Variants in FUT8 observed in about 807,000 individuals in gnomAD.
FUT8 encodes fucosyltransferase 8.
A neutral mutation model predicts 71.3 loss-of-function variants in FUT8; 29 were observed. That is an observed-to-expected ratio of 0.41 (90% CI 0.30 to 0.55). FUT8 has a LOEUF of 0.55. Ranked by LOEUF, FUT8 falls within the 20% of genes least tolerant of loss-of-function variation. The probability of loss-of-function intolerance (pLI) is 0.34; values close to 1 mark genes in which losing one functional copy is unlikely to be tolerated. For missense variants in FUT8, 544 were observed against 702.1 expected, an observed-to-expected ratio of 0.77 and a Z score of 2.55; for synonymous variants, 254 against 239.3, an observed-to-expected ratio of 1.06 and a Z score of -0.57.
intron 6 of FUT8, among the ~76,000 whole-genome samples, chr14:65,655,781 C>T (rs558030110): frequency 6.6e-6 from 1 of 152,024 alleles, no homozygotes; most frequent in Non-Finnish European, 1.5e-5. Context: ...GGGATTTATC[C>T]CTGGGACACA....
rs146309403 is a variant in FUT8 at position 65,440,545 on chromosome 14, G to C, written c.-325-15076G>C. Among the ~76,000 whole-genome samples the C allele has an allele frequency of 4.6e-5, 7 of 152,024 alleles. No homozygotes were observed. In the East Asian group the frequency reaches 9.7e-4, roughly 21 times the overall value. ...AAAGCTTGGATATATGAGATAATAG[G>C]TATGTTAATTAGCTTGATTTAATCA... On this transcript the variant is annotated intron_variant, in intron 1 of 10. Coordinates refer to ENST00000673929, the MANE Select transcript of FUT8 (RefSeq NM_001371533.1).
intron 6 of FUT8, among the ~76,000 whole-genome samples, chr14:65,661,046 A>G (rs181346759): frequency 3.3e-5 from 5 of 152,290 alleles, no homozygotes; most frequent in Non-Finnish European, 7.4e-5. Context: ...GCACAGTAAA[A>G]TTTAACTCAC....
At chr14:65,382,389 T>G in the FUT8 span, among the ~76,000 whole-genome samples, 1 of 152,294 alleles carries the variant, frequency 6.6e-6, no homozygotes, top group East Asian at 1.9e-4. Context: ...CAGGCTGGAG[T>G]GCAGTGGCGT....
At position 65,485,442 on chromosome 14, in the gene FUT8, AT is replaced by A. The variant is rs2066394969; in HGVS notation, c.-228+29725del. 2.0e-5 allele frequency among the ~76,000 whole-genome samples: 3 copies of A among 152,172 alleles called. No individual in the cohort carries two copies. The South Asian group carries it at 6.2e-4, about 32-fold the overall frequency. ...TTTAAGAGGCCTGGAGCAATGCTCA[AT>A]CCAGGGCTAGTTATTCCTCACTACT... On this transcript the variant is annotated intron_variant, in intron 2 of 10. Coordinates refer to ENST00000673929, the MANE Select transcript of FUT8 (RefSeq NM_001371533.1).
chr14:65,563,571 A>G (rs1308518095), intron 3 of FUT8, among the ~76,000 whole-genome samples: 1 of 152,012 alleles, frequency 6.6e-6, no homozygotes, highest in Non-Finnish European at 1.5e-5. Flanking sequence ...AAGAATAGCT[A>G]CTATTCTAGT....
the FUT8 span, among the ~76,000 whole-genome samples, chr14:65,358,566 A>G: frequency 1.3e-5 from 2 of 151,898 alleles, no homozygotes; most frequent in African/African-American, 2.4e-5. Flanking sequence ...CGATCCTCCT[A>G]CTTCGGTCTA....
chr14:65,490,124 A>T (rs1303589715), intron 2 of FUT8, among the ~76,000 whole-genome samples: 4 of 152,118 alleles, frequency 2.6e-5, no homozygotes, highest in Non-Finnish European at 5.9e-5. Flanking sequence ...CTGTAATTAC[A>T]GCTGCAGATT....
At chr14:65,405,654 G>C (rs2065086866), upstream of FUT8, among the ~76,000 whole-genome samples, 1 of 152,218 alleles carries the variant, frequency 6.6e-6, no homozygotes, top group South Asian at 2.1e-4. Flanking sequence ...CCTAGAAACA[G>C]AGGAGCCTAA....
chr14:65,689,350 G>A (rs1349061303), intron 7 of FUT8, among the ~76,000 whole-genome samples: 1 of 152,134 alleles, frequency 6.6e-6, no homozygotes, highest in Admixed American at 6.5e-5. Context: ...TAATTGGGTT[G>A]TTAGCTTTCT....
chr14:65,650,729 A>AC (rs1566875582), intron 6 of FUT8, among the ~76,000 whole-genome samples: 6 of 135,856 alleles, frequency 4.4e-5, no homozygotes, highest in African/African-American at 1.4e-4. Context: ...AAAAAAAAAA[A>AC]CAAAAAAAAC....
rs1174559229 is a variant in FUT8 at position 65,729,571 on chromosome 14, A to G, written c.1260-3660A>G. Among the ~76,000 whole-genome samples, 3 of 150,012 alleles carry G rather than the reference A, an allele frequency of 2.0e-5. No homozygotes were observed. The East Asian group carries it at 6.0e-4, about 30-fold the overall frequency. On this transcript the variant is annotated intron_variant, in intron 9 of 10. Transcript: ENST00000673929. ...AAATACAGGGTCCAGGCTGGAGTGC[A>G]GTAGCACAATCTCAGCTCACGGTAG...
intron 3 of FUT8, among the ~76,000 whole-genome samples, chr14:65,565,675 A>G (rs964661787): frequency 4.0e-5 from 6 of 151,856 alleles, no homozygotes; most frequent in African/African-American, 1.2e-4. Flanking sequence ...AGCATTTGCT[A>G]TTGTCAGTTA....
chr14:65,734,743 T>C (rs538105531), intron 10 of FUT8, among the ~76,000 whole-genome samples: 1 of 152,308 alleles, frequency 6.6e-6, no homozygotes, highest in Non-Finnish European at 1.5e-5. Flanking sequence ...TTGATGCTTA[T>C]TGTTACAATG....
chr14:65,561,536 TC>T lies in FUT8; in HGVS notation c.-26del, dbSNP rs760440675. 7.5e-6 allele frequency: 12 copies of T among 1,608,832 alleles called. No individual in the cohort carries two copies. Among genetic ancestry groups the T allele is most frequent in the Non-Finnish European group, 9.4e-6 (11 of 1,176,028 alleles). On this transcript the variant is annotated 5_prime_UTR_variant, in exon 3 of 11. Transcript: ENST00000673929. ...TTTTCAATTCTTTGAGCTCCAGGAC[TC>T]CAGGGAAGTGAGTTGAAAATCTGAA...
upstream of FUT8, among the ~76,000 whole-genome samples, chr14:65,406,770 T>C (rs982451812): frequency 6.6e-6 from 1 of 152,216 alleles, no homozygotes; most frequent in Non-Finnish European, 1.5e-5. Context: ...ACTCCTGTCC[T>C]CAAGTAATCT....
intron 3 of FUT8, among the ~76,000 whole-genome samples, chr14:65,572,598 A>G (rs1448040182): frequency 1.3e-5 from 2 of 152,146 alleles, no homozygotes; most frequent in African/African-American, 4.8e-5. Context: ...TGTTTTGTAT[A>G]TGGGTCCAGT....
chr14:65,429,173 G>A (rs1249337076), intron 1 of FUT8, among the ~76,000 whole-genome samples: 2 of 152,132 alleles, frequency 1.3e-5, no homozygotes, highest in African/African-American at 4.8e-5. Context: ...TTGAATCACA[G>A]CTGCCTAAAT....
At chr14:65,506,971 A>G (rs765938100) in intron 2 of FUT8, among the ~76,000 whole-genome samples, 1 of 152,234 alleles carries the variant, frequency 6.6e-6, no homozygotes, top group African/African-American at 2.4e-5. Flanking sequence ...AGCTGTTTAC[A>G]GACTCCCTGG....
chr14:65,530,113 T>C (rs1883837579), intron 2 of FUT8, among the ~76,000 whole-genome samples: 1 of 152,226 alleles, frequency 6.6e-6, no homozygotes, highest in Non-Finnish European at 1.5e-5. Context: ...GGTCTTTCTG[T>C]AACTCTCTCA....
Sources: allele counts gnomAD v4.1 joint callset (sites outside exome capture counted in the v4.1 genomes callset), GRCh38; gene constraint gnomAD v4.1.1; transcripts MANE v1.5; gene names NCBI Gene and HGNC (gene_info 2026-07-23, HGNC 2026-07-21).